NPAS3: variants seen among roughly 807,000 people sequenced by gnomAD.
The protein encoded by NPAS3 is neuronal PAS domain-containing protein 3.
Under a neutral mutation model 73.1 loss-of-function variants are expected in NPAS3, and 14 were observed. The observed-to-expected ratio is 0.19, with a 90% confidence interval of 0.13 to 0.30. The LOEUF (loss-of-function observed/expected upper bound fraction) is 0.30, where lower values mean the gene tolerates loss of function less well. Ranked by LOEUF, NPAS3 falls within the 10% of genes least tolerant of loss-of-function variation. The pLI, the probability that NPAS3 is intolerant of heterozygous loss-of-function variation, is 1.00. For synonymous variants in NPAS3, 620 were observed against 541.5 expected (o/e 1.14, Z -2.01); for missense variants, 1,096 against 1,250.0 (o/e 0.88, Z 1.86).
chr14:33,066,953 G>A (rs887875542), intron 2 of NPAS3, among the ~76,000 whole-genome samples: 1 of 152,192 alleles, frequency 6.6e-6, no homozygotes, highest in Non-Finnish European at 1.5e-5. Context: ...ATGGGGTGCT[G>A]TGGTCTTCAA....
chr14:33,499,179 A>G (rs2052390760), intron 4 of NPAS3, among the ~76,000 whole-genome samples: 1 of 151,946 alleles, frequency 6.6e-6, no homozygotes, highest in Non-Finnish European at 1.5e-5. Flanking sequence ...AAAAAATATT[A>G]TCGAAAAGAG....
At chr14:33,485,295 A>G (rs986569216) in intron 4 of NPAS3, among the ~76,000 whole-genome samples, 12 of 152,196 alleles carry the variant, frequency 7.9e-5, no homozygotes, top group African/African-American at 2.4e-4. Flanking sequence ...TTGGCTAAAC[A>G]GGAGGTGTTT....
At chr14:33,478,962 T>C (rs2051178526) in intron 4 of NPAS3, among the ~76,000 whole-genome samples, 1 of 152,142 alleles carries the variant, frequency 6.6e-6, no homozygotes, top group Non-Finnish European at 1.5e-5. Flanking sequence ...AACTTGTTCA[T>C]TGGCCATAGT....
intron 2 of NPAS3, among the ~76,000 whole-genome samples, chr14:33,172,517 C>T (rs2045429293): frequency 6.6e-6 from 1 of 152,130 alleles, no homozygotes; most frequent in African/African-American, 2.4e-5. Flanking sequence ...AGGCAGATCA[C>T]TTGAGCTTAG....
chr14:33,703,259 G>A (rs2060570264), intron 6 of NPAS3, among the ~76,000 whole-genome samples: 1 of 152,240 alleles, frequency 6.6e-6, no homozygotes, highest in South Asian at 2.1e-4. Flanking sequence ...AGGGTGAGGT[G>A]GGATTGCCAG....
At chr14:33,246,802 T>TG (rs2048400795) in intron 3 of NPAS3, among the ~76,000 whole-genome samples, 1 of 123,038 alleles carries the variant, frequency 8.1e-6, no homozygotes, top group Non-Finnish European at 1.6e-5. Context: ...GAGACCAGGC[T>TG]GGCCAACATG....
chr14:33,288,678 C>A (rs138578130), intron 3 of NPAS3, among the ~76,000 whole-genome samples: 7 of 151,828 alleles, frequency 4.6e-5, no homozygotes, highest in Non-Finnish European at 8.8e-5. Context: ...AAGCAGAATG[C>A]GGGGGAAGAG....
At chr14:33,547,630 TGAAAG>T (rs141706190) in intron 4 of NPAS3, among the ~76,000 whole-genome samples, 4,794 of 151,980 alleles carry the variant, frequency 0.032, 141 homozygotes, top group Admixed American at 0.089. Flanking sequence ...AACCAAAAGA[TGAAAG>T]GAAAAGTGAA....
intron 4 of NPAS3, among the ~76,000 whole-genome samples, chr14:33,484,404 G>A (rs1419319347): frequency 2.0e-5 from 3 of 152,194 alleles, no homozygotes; most frequent in Non-Finnish European, 4.4e-5. Flanking sequence ...ATGACAGGGA[G>A]GAGGTACTAA....
At chr14:33,477,424 C>A (rs17497251) in intron 4 of NPAS3, among the ~76,000 whole-genome samples, 6,531 of 152,226 alleles carry the variant, frequency 0.043, 214 homozygotes, top group Admixed American at 0.093. Flanking sequence ...TCTCACCGTC[C>A]ATCCCTAACT....
At position 33,745,848 on chromosome 14, in the gene NPAS3, T is replaced by A. The variant is rs142445722; in HGVS notation, c.852+10516T>A. On this transcript the variant is annotated intron_variant, in intron 7 of 11. Coordinates refer to ENST00000356141, the Ensembl canonical transcript of NPAS3. The stretch of plus-strand genomic sequence containing the variant: ...GACAAAATATGACTGAAATACGTCA[T>A]CTGTTCCTTTAACAAAAGAAGCACA... Among the ~76,000 whole-genome samples, 606 of 152,356 alleles carry A rather than the reference T, an allele frequency of 4.0e-3. 2 individuals carry two copies. Among genetic ancestry groups the A allele is most frequent in the African/African-American group, 0.014 (577 of 41,590 alleles).
chr14:33,551,980 T>C (rs1419408521), intron 4 of NPAS3, among the ~76,000 whole-genome samples: 3 of 152,248 alleles, frequency 2.0e-5, no homozygotes, highest in Admixed American at 6.5e-5. Context: ...CTTTCTGTTT[T>C]ATAAAGTTAA....
At chr14:33,169,760 C>T (rs1039345754) in intron 2 of NPAS3, among the ~76,000 whole-genome samples, 2 of 152,154 alleles carry the variant, frequency 1.3e-5, no homozygotes, top group African/African-American at 4.8e-5. Flanking sequence ...TGCTGTTTTG[C>T]TTCTGTGTTA....
chr14:33,266,937 C>T (rs897596911), intron 3 of NPAS3, among the ~76,000 whole-genome samples: 17 of 152,246 alleles, frequency 1.1e-4, no homozygotes, highest in Non-Finnish European at 2.5e-4. Flanking sequence ...AAAAAATTCT[C>T]TCTCATTTTC....
intron 3 of NPAS3, among the ~76,000 whole-genome samples, chr14:33,319,128 G>GTTGGACAGT (rs2043331131): frequency 7.2e-6 from 1 of 138,792 alleles, no homozygotes; most frequent in African/African-American, 2.6e-5. Flanking sequence ...GGCCTCTCTA[G>GTTGGACAGT]TTGGATAGTT....
intron 1 of NPAS3, among the ~76,000 whole-genome samples, chr14:33,029,711 G>A (rs2039925516): frequency 6.6e-6 from 1 of 152,112 alleles, no homozygotes; most frequent in African/African-American, 2.4e-5. Context: ...CTGCAATTAA[G>A]ACAGCCCATT....
intron 4 of NPAS3, among the ~76,000 whole-genome samples, chr14:33,498,732 G>A (rs1298147605): frequency 2.0e-5 from 3 of 151,842 alleles, no homozygotes; most frequent in Non-Finnish European, 2.9e-5. Context: ...AATACCTAAT[G>A]TAGATGATGG....
chr14:33,588,709 G>A (rs1030632425), intron 5 of NPAS3, among the ~76,000 whole-genome samples: 1 of 152,140 alleles, frequency 6.6e-6, no homozygotes, highest in East Asian at 1.9e-4. Context: ...CGCCTCCCAG[G>A]TTCAAGTAAT....
At chr14:33,503,095 A>G (rs2052595988) in intron 4 of NPAS3, among the ~76,000 whole-genome samples, 1 of 151,996 alleles carries the variant, frequency 6.6e-6, no homozygotes, top group Non-Finnish European at 1.5e-5. Context: ...AAATTTCTAC[A>G]GTAATCAGAA....
Sources: gnomAD v4.1 joint callset for allele counts (sites outside exome capture counted in the v4.1 genomes callset) on GRCh38, gnomAD v4.1.1 for gene constraint, MANE v1.5 for transcripts, NCBI Gene and HGNC (gene_info 2026-07-23, HGNC 2026-07-21) for gene names.